XPO6: variants seen among roughly 807,000 people sequenced by gnomAD.
The protein encoded by XPO6 is exportin-6.
Under a neutral mutation model 130.0 loss-of-function variants are expected in XPO6, and 3 were observed. The ratio of observed to expected loss-of-function variants is 0.02; its 90% CI spans 0.01 to 0.06. XPO6 has a LOEUF of 0.06. XPO6 is among the 10% of genes least tolerant of loss of function. XPO6 has a pLI of 1.00. For synonymous variants in XPO6, 524 were observed against 548.9 expected (o/e 0.95, Z 0.63); for missense variants, 970 against 1,393.0 (o/e 0.70, Z 4.83).
intron 12 of XPO6, among the ~76,000 whole-genome samples, chr16:28,126,161 T>A (rs546996789): frequency 2.0e-5 from 3 of 152,252 alleles, no homozygotes; most frequent in Non-Finnish European, 4.4e-5. Flanking sequence ...CCTGACACCA[T>A]CACTGTTACA....
chr16:28,144,706 A>G (rs952111624), intron 9 of XPO6, among the ~76,000 whole-genome samples: 1 of 152,242 alleles, frequency 6.6e-6, no homozygotes, highest in Admixed American at 6.5e-5. Flanking sequence ...ATGGGGAAAG[A>G]GTATTCACTA....
intron 1 of XPO6, among the ~76,000 whole-genome samples, chr16:28,197,914 T>TAA (rs56896819): frequency 0.083 from 3,790 of 45,684 alleles, 398 homozygotes; most frequent in Admixed American, 0.11. Context: ...GAGAGACTCT[T>TAA]AAAAAAAAAA....
chr16:28,127,018 A>T (rs2087435477), intron 12 of XPO6, among the ~76,000 whole-genome samples: 2 of 152,046 alleles, frequency 1.3e-5, no homozygotes, highest in African/African-American at 4.8e-5. Flanking sequence ...TGTGCTCCAA[A>T]ATCAGCTTCC....
chr16:28,180,181 C>T (rs753428017), intron 2 of XPO6, among the ~76,000 whole-genome samples: 9 of 151,894 alleles, frequency 5.9e-5, no homozygotes, highest in South Asian at 2.1e-4. Context: ...CTGGCTAATA[C>T]GGTGAAACCC....
chr16:28,181,375 AAGAAGGCC>A (rs1476988661), intron 1 of XPO6, among the ~76,000 whole-genome samples: 3 of 152,198 alleles, frequency 2.0e-5, no homozygotes, highest in Non-Finnish European at 2.9e-5. Context: ...AGAGAGATTC[AAGAAGGCC>A]AGAACTCCTC....
Position 28,106,518 on chromosome 16 carries a change from A to G in XPO6, c.2498-21T>C. The G allele has an allele frequency of 6.3e-7, 1 of 1,597,358 alleles. No individual in the cohort carries two copies. The highest frequency in any genetic ancestry group is 8.6e-7 in the Non-Finnish European group (1 of 1,165,326). On this transcript the variant is annotated intron_variant, in intron 18 of 23. Transcript: ENST00000304658. This position sits in a 1 kb window ranked among gnomAD's most constrained non-coding sequence, Gnocchi z 4.2. ...CACATCTGAGGAAAGGGGCAGAGAT[A>G]TCGTCAGAGGCTTGCACACAGTGAG...
rs372226274 is a variant in XPO6 at position 28,169,790 on chromosome 16, C to T, written c.525G>A (p.Leu175=). 1.8e-4 allele frequency: 295 copies of T among 1,614,100 alleles called. 3 individuals are homozygous for T. In the East Asian group the frequency reaches 2.8e-3, roughly 15 times the overall value. ...SVARKEELRK[L]LLDQVQTVLG... is the part of the protein sequence containing the mutation. ...GCACTGTCTGCACCTGGTCCAGTAG[C>T]AGCTTCCGCAACTCCTCCTTCCGAG... The change falls in exon 5 of 24, where the codon CTG becomes CTA. Residue 175 remains leucine, a synonymous_variant. Coordinates refer to ENST00000304658, the MANE Select transcript of XPO6 (RefSeq NM_015171.4).
rs747750670 is a variant in XPO6 at position 28,172,546 on chromosome 16, G to A, written c.406-2637C>T. 4.1e-4 allele frequency among the ~76,000 whole-genome samples: 63 copies of A among 152,176 alleles called. 2 individuals are homozygous for A. The highest frequency in any genetic ancestry group is 3.4e-3 in the Middle Eastern group (1 of 294). ...CCATTAGTGTTATGTGTGTGCTGAC[G>A]TATATGCAGGCAGGTGGGAAGGAAA... On this transcript the variant is annotated intron_variant, in intron 4 of 23. Coordinates refer to ENST00000304658, the MANE Select transcript of XPO6 (RefSeq NM_015171.4).
In XPO6 at chr16:28,115,862, T is replaced by G. The variant is rs949977705; in HGVS notation, c.2004+1456A>C. Reference sequence around the variant, plus strand: ...CTGCAGCTTCTCCATCAGCACTTGCTGCTTCATCCTGGAGATGGCTTCTTT... The same window carrying G: ...CTGCAGCTTCTCCATCAGCACTTGCGGCTTCATCCTGGAGATGGCTTCTTT... On this transcript the variant is annotated intron_variant, in intron 15 of 23. Transcript: ENST00000304658. 2.0e-5 allele frequency among the ~76,000 whole-genome samples: 3 copies of G among 152,268 alleles called. No homozygotes were observed. In the East Asian group the frequency reaches 5.8e-4, roughly 29 times the overall value.
chr16:28,143,311 T>C (rs917204342), intron 9 of XPO6, among the ~76,000 whole-genome samples: 6 of 152,228 alleles, frequency 3.9e-5, no homozygotes, highest in African/African-American at 1.4e-4. Context: ...TCTTCTATTA[T>C]TCATCATTGC....
At chr16:28,139,693 ACT>A (rs1316652346) in intron 9 of XPO6, among the ~76,000 whole-genome samples, 1 of 152,132 alleles carries the variant, frequency 6.6e-6, no homozygotes, top group Middle Eastern at 3.2e-3. Context: ...GTAAAATGTG[ACT>A]CTGAAAAGTT....
At chr16:28,144,219 T>A (rs753658549) in intron 9 of XPO6, among the ~76,000 whole-genome samples, 1 of 152,254 alleles carries the variant, frequency 6.6e-6, no homozygotes, top group Non-Finnish European at 1.5e-5. Context: ...ATGAACGTAC[T>A]ACCTATAATC....
rs2086655751 is a variant in XPO6, at chr16:28,101,526, G to A, written c.3208C>T (p.Leu1070=). The A allele has an allele frequency of 6.2e-7, 1 of 1,614,138 alleles. No homozygotes were observed. The highest frequency in any genetic ancestry group is 8.5e-7 in the Non-Finnish European group (1 of 1,180,056). Residue 1070 remains leucine, a synonymous_variant, in exon 23 of 24, where the codon CTG becomes TTG. Transcript: ENST00000304658. The surrounding 1 kb of genome is among the most constrained non-coding windows in gnomAD (Gnocchi z 5.4). ...GFFAAFLPEF[L]TSCDGVDANQ... ...GCATCCACACCATCACAGCTGGTCA[G>A]GAACTCTGGGAGGAAGGCGGCAAAG...
chr16:28,203,493 A>G (rs955678988), intron 1 of XPO6, among the ~76,000 whole-genome samples: 2 of 152,130 alleles, frequency 1.3e-5, no homozygotes. Flanking sequence ...TCTCGTGCCC[A>G]GGGCCAACTA....
intron 4 of XPO6, among the ~76,000 whole-genome samples, chr16:28,171,189 G>A (rs892631912): frequency 2.6e-5 from 4 of 151,370 alleles, no homozygotes; most frequent in Admixed American, 6.6e-5. Flanking sequence ...TACAGGGTAC[G>A]GGCTGGGCGT....
intron 9 of XPO6, among the ~76,000 whole-genome samples, chr16:28,137,969 G>C (rs1379571172): frequency 6.6e-6 from 1 of 152,060 alleles, no homozygotes; most frequent in African/African-American, 2.4e-5. Flanking sequence ...TAGAGACAGA[G>C]ACACTCCCTA....
At chr16:28,131,415 C>T (rs548698805) in intron 12 of XPO6, among the ~76,000 whole-genome samples, 2 of 152,242 alleles carry the variant, frequency 1.3e-5, no homozygotes, top group African/African-American at 4.8e-5. Flanking sequence ...ACAGGGGCTG[C>T]GCACCAGAGC....
rs934534402 is a variant in XPO6 at position 28,191,812 on chromosome 16, A to G, written c.4-10781T>C. Among the ~76,000 whole-genome samples, 9 of 152,234 alleles carry G rather than the reference A, an allele frequency of 5.9e-5. 1 individual carries two copies. The highest frequency in any genetic ancestry group is 2.2e-4 in the African/African-American group (9 of 41,462). On this transcript the variant is annotated intron_variant, in intron 1 of 23. Transcript: ENST00000304658. Reference sequence around the variant, plus strand: ...TATGAAACTGACGAACCACTATAAAAGCATGCTGCAAATCTAACATGATGA... The same window carrying G: ...TATGAAACTGACGAACCACTATAAAGGCATGCTGCAAATCTAACATGATGA...
At chr16:28,174,898 A>G (rs2043509951) in intron 4 of XPO6, among the ~76,000 whole-genome samples, 1 of 152,154 alleles carries the variant, frequency 6.6e-6, no homozygotes, top group South Asian at 2.1e-4. Flanking sequence ...ACAGGATTCA[A>G]ATGAGCAACA....
Sources: allele counts gnomAD v4.1 joint callset (sites outside exome capture counted in the v4.1 genomes callset), GRCh38; gene constraint gnomAD v4.1.1; non-coding constraint Gnocchi (gnomAD v3.1); transcripts MANE v1.5; gene names NCBI Gene and HGNC (gene_info 2026-07-23, HGNC 2026-07-21).